The following MSR1 variants were observed in gnomAD, a reference collection of about 807,000 sequenced individuals.
The protein encoded by MSR1 is macrophage scavenger receptor 1.
MSR1 carries 53 observed loss-of-function variants against 47.2 expected under a neutral mutation model. The observed-to-expected ratio is 1.12, with a 90% CI of 0.90 to 1.41. MSR1 has a LOEUF of 1.41. Among genes scored for constraint, MSR1 ranks in the 40% most tolerant of loss-of-function variants. The pLI is 0.00. For missense variants in MSR1, 786 were observed against 546.9 expected, an observed-to-expected ratio of 1.44 and a Z score of -4.36; for synonymous variants, 239 against 185.6, an observed-to-expected ratio of 1.29 and a Z score of -2.34.
intron 3 of MSR1, 55 bp from the exon 4 acceptor site, chr8:16,168,925 G>C: frequency 6.6e-7 from 1 of 1,516,190 alleles, no homozygotes; most frequent in Non-Finnish European, 9.1e-7. Context: ...AATGCATACA[G>C]GATCCCATCC....
chr8:16,142,103 G>T (rs1800573168), intron 8 of MSR1, among the ~76,000 whole-genome samples: 1 of 152,118 alleles, frequency 6.6e-6, no homozygotes, highest in Non-Finnish European at 1.5e-5. Flanking sequence ...GGCTGAGGTG[G>T]GCAGATCATG....
At chr8:16,131,903 G>A (rs185984834) in intron 8 of MSR1, among the ~76,000 whole-genome samples, 21 of 151,866 alleles carry the variant, frequency 1.4e-4, no homozygotes, top group African/African-American at 4.3e-4. Context: ...ATAGTTTGAA[G>A]TCAGGTACCA....
At chr8:16,126,437 T>C (rs1800130634) in intron 8 of MSR1, among the ~76,000 whole-genome samples, 1 of 152,166 alleles carries the variant, frequency 6.6e-6, no homozygotes, top group Non-Finnish European at 1.5e-5. Flanking sequence ...GTAGTTATGA[T>C]ATTTGAGATG....
intron 1 of MSR1, among the ~76,000 whole-genome samples, chr8:16,183,886 A>T (rs1002505954): frequency 7.0e-6 from 1 of 142,218 alleles, no homozygotes; most frequent in Non-Finnish European, 1.5e-5. Flanking sequence ...ATATTATTAT[A>T]TAATATATAA....
chr8:16,120,340 G>A (rs572682549), intron 9 of MSR1, 78 bp downstream of exon 9: 4 of 1,482,834 alleles, frequency 2.7e-6, no homozygotes, highest in African/African-American at 2.8e-5. Context: ...TCGCGCCACT[G>A]CACTCCAGTC....
At chr8:16,165,552 T>C (rs796598700) in intron 4 of MSR1, among the ~76,000 whole-genome samples, 18 of 152,308 alleles carry the variant, frequency 1.2e-4, no homozygotes, top group African/African-American at 4.3e-4. Flanking sequence ...TTTTCTGTCT[T>C]CATTGTATGC....
At chr8:16,148,462 A>G (rs1279057644) in intron 7 of MSR1, among the ~76,000 whole-genome samples, 1 of 142,766 alleles carries the variant, frequency 7.0e-6, no homozygotes, top group African/African-American at 2.7e-5. Context: ...TAGAATTTCT[A>G]AAACTTTTTT....
intron 1 of MSR1, among the ~76,000 whole-genome samples, chr8:16,184,008 T>C (rs1048174589): frequency 1.3e-5 from 2 of 150,514 alleles, no homozygotes; most frequent in Admixed American, 6.7e-5. Flanking sequence ...ATCAGGGTTT[T>C]GAAAATGAGC....
chr8:16,175,722 T>C (rs538624041), intron 2 of MSR1, among the ~76,000 whole-genome samples: 188 of 152,326 alleles, frequency 1.2e-3, no homozygotes, highest in Non-Finnish European at 2.2e-3. Context: ...ATAGGGCAAA[T>C]ACTTATTTTC....
intron 4 of MSR1, among the ~76,000 whole-genome samples, chr8:16,164,969 T>C (rs1374144516): frequency 6.6e-6 from 1 of 152,132 alleles, no homozygotes; most frequent in Non-Finnish European, 1.5e-5. Context: ...ATTAAAATAC[T>C]TTAGAGACTG....
intron 5 of MSR1, among the ~76,000 whole-genome samples, chr8:16,161,356 A>G (rs1801158516): frequency 6.6e-6 from 1 of 152,022 alleles, no homozygotes; most frequent in Non-Finnish European, 1.5e-5. Context: ...GTGGCTAGTT[A>G]AGAAGCAAGG....
chr8:16,150,295 T>C lies in MSR1; in HGVS notation c.915A>G (p.Lys305=). Residue 305 remains lysine, a synonymous_variant, in exon 7 of 10, where the codon AAA becomes AAG. Coordinates refer to ENST00000262101, the MANE Select transcript of MSR1 (RefSeq NM_138715.3). ...GAAAGCCAATTGCTCCCCGATCACC[T>C]TTAAGACCCGGAGGACCTACATTAT... ...FPGPIGPPGL[K]GDRGAIGFPG... 6.3e-7 allele frequency: 1 copy of C among 1,576,532 alleles called. No individual in the cohort carries two copies. Among genetic ancestry groups the C allele is most frequent in the Non-Finnish European group, 8.6e-7 (1 of 1,158,516 alleles).
At chr8:16,161,083 G>A (rs992510824) in intron 5 of MSR1, among the ~76,000 whole-genome samples, 1 of 149,446 alleles carries the variant, frequency 6.7e-6, no homozygotes, top group East Asian at 2.0e-4. Context: ...AGCAGAGCCA[G>A]GGACACCAAC....
chr8:16,126,364 G>A (rs542120791), intron 8 of MSR1, among the ~76,000 whole-genome samples: 1 of 152,140 alleles, frequency 6.6e-6, no homozygotes, highest in South Asian at 2.1e-4. Context: ...TTTACTCATA[G>A]TCATGATTTC....
chr8:16,138,935 T>A (rs2117100541), intron 8 of MSR1, among the ~76,000 whole-genome samples: 1 of 152,328 alleles, frequency 6.6e-6, no homozygotes, highest in African/African-American at 2.4e-5. Context: ...AATTTTCTCA[T>A]CAGCATTGTC....
Position 16,108,795 on chromosome 8 carries a change from TTATTA to T in MSR1, c.*1285_*1289del, listed in dbSNP as rs1238864766. On this transcript the variant is annotated 3_prime_UTR_variant, in exon 10 of 10. Transcript: ENST00000262101. Reference sequence around the variant, plus strand: ...GGACGGCTGTGAGTCTACCACTTGGTTATTATGTGTGGTGAGACTTCAGAATATGA... The same window carrying T: ...GGACGGCTGTGAGTCTACCACTTGGTTGTGTGGTGAGACTTCAGAATATGA... 2 of 152,130 alleles carry T rather than the reference TTATTA, an allele frequency of 1.3e-5. No homozygotes were observed. Among genetic ancestry groups the T allele is most frequent in the Non-Finnish European group, 2.9e-5 (2 of 67,990 alleles). The allele number at this position is 152,130 out of a possible 1,614,324, so 9.4% of individuals were successfully genotyped here. A position where few individuals can be genotyped will look rare whatever the true frequency, so the allele number is the denominator to read the frequency against.
At chr8:16,144,618 T>C (rs1800650320) in intron 7 of MSR1, among the ~76,000 whole-genome samples, 2 of 152,154 alleles carry the variant, frequency 1.3e-5, no homozygotes, top group Admixed American at 6.5e-5. Flanking sequence ...TTACTGGGTA[T>C]GTGACTTGGG....
intron 1 of MSR1, among the ~76,000 whole-genome samples, chr8:16,180,007 C>T (rs1444525662): frequency 6.6e-6 from 1 of 151,606 alleles, no homozygotes; most frequent in Non-Finnish European, 1.5e-5. Flanking sequence ...ACCATGTTGT[C>T]CAGGCTGATC....
intron 1 of MSR1, among the ~76,000 whole-genome samples, chr8:16,178,446 G>C (rs772369051): frequency 1.3e-5 from 2 of 151,862 alleles, no homozygotes; most frequent in Non-Finnish European, 2.9e-5. Flanking sequence ...ATCCTTTTTT[G>C]TGGCTGCATA....
Sources: gnomAD v4.1 joint callset for allele counts (sites outside exome capture counted in the v4.1 genomes callset) on GRCh38, gnomAD v4.1.1 for gene constraint, MANE v1.5 for transcripts, NCBI Gene and HGNC (gene_info 2026-07-23, HGNC 2026-07-21) for gene names.